Variants in IL1RAPL2 observed in about 807,000 individuals in gnomAD.
The protein encoded by IL1RAPL2 is interleukin 1 receptor accessory protein like 2, also known as X-linked interleukin-1 receptor accessory protein-like 2.
Under a neutral mutation model 44.1 loss-of-function variants are expected in IL1RAPL2, and 3 were observed. The observed-to-expected ratio is 0.07, with a 90% CI of 0.03 to 0.18. IL1RAPL2 has a LOEUF of 0.18. Among genes scored for constraint, IL1RAPL2 ranks in the 10% least tolerant of loss-of-function variants. IL1RAPL2 has a pLI of 1.00. For missense variants in IL1RAPL2, 391 were observed against 496.4 expected, an observed-to-expected ratio of 0.79 and a Z score of 2.02; for synonymous variants, 181 against 178.8, an observed-to-expected ratio of 1.01 and a Z score of -0.10.
intron 2 of IL1RAPL2, among the ~76,000 whole-genome samples, chrX:105,110,898 C>G (rs776806560): frequency 3.6e-5 from 4 of 111,514 alleles, no homozygotes; most frequent in African/African-American, 1.3e-4. Context: ...GATTGTGCCA[C>G]TGCACTCCAG....
intron 5 of IL1RAPL2, among the ~76,000 whole-genome samples, chrX:105,370,036 C>T (rs2035325555): frequency 8.9e-6 from 1 of 111,759 alleles, no homozygotes; most frequent in East Asian, 2.8e-4. Context: ...ATACCAATAA[C>T]ATCTAGAACT....
At chrX:104,642,049 A>G (rs1339001197) in intron 1 of IL1RAPL2, among the ~76,000 whole-genome samples, 1 of 111,013 alleles carries the variant, frequency 9.0e-6, no homozygotes, top group African/African-American at 3.3e-5. Flanking sequence ...CCAAGATTGC[A>G]TGATTCCACA....
chrX:104,696,965 G>C (rs765237708), intron 2 of IL1RAPL2, among the ~76,000 whole-genome samples: 1 of 112,292 alleles, frequency 8.9e-6, no homozygotes, highest in South Asian at 3.7e-4. Context: ...AGATTTCTCT[G>C]CTTTAAGTAA....
At chrX:104,642,499 T>A (rs1929952945) in intron 1 of IL1RAPL2, among the ~76,000 whole-genome samples, 1 of 111,475 alleles carries the variant, frequency 9.0e-6, no homozygotes, top group African/African-American at 3.3e-5. Context: ...TTTCTTTTTT[T>A]TTTTGACGGA....
At chrX:104,736,805 A>G (rs899885112) in intron 2 of IL1RAPL2, among the ~76,000 whole-genome samples, 2 of 112,281 alleles carry the variant, frequency 1.8e-5, no homozygotes, top group East Asian at 2.8e-4. Flanking sequence ...AGTGATTGCA[A>G]TGTTAGCAAT....
chrX:105,245,349 C>T (rs776460130), intron 4 of IL1RAPL2, among the ~76,000 whole-genome samples: 3 of 111,544 alleles, frequency 2.7e-5, no homozygotes, highest in Non-Finnish European at 3.8e-5. Flanking sequence ...TGTGCCTGCA[C>T]GTAATCACAG....
At chrX:105,163,669 C>T (rs1177782437) in intron 2 of IL1RAPL2, among the ~76,000 whole-genome samples, 1 of 111,641 alleles carries the variant, frequency 9.0e-6, no homozygotes, top group Non-Finnish European at 1.9e-5. Context: ...ACCTTGGTTT[C>T]TGGGAGCTCC....
chrX:105,503,292 A>G (rs1251034356), intron 6 of IL1RAPL2, among the ~76,000 whole-genome samples: 2 of 111,446 alleles, frequency 1.8e-5, no homozygotes, highest in Non-Finnish European at 3.8e-5. Context: ...AAGGAGCAGA[A>G]TTTTTGTGAA....
intron 9 of IL1RAPL2, among the ~76,000 whole-genome samples, chrX:105,751,438 T>C (rs974401234): frequency 8.9e-6 from 1 of 111,822 alleles, no homozygotes; most frequent in Non-Finnish European, 1.9e-5. Flanking sequence ...CCCAATAACC[T>C]AGACTAACTG....
At chrX:105,076,115 G>T (rs1292823217) in intron 2 of IL1RAPL2, among the ~76,000 whole-genome samples, 1 of 111,317 alleles carries the variant, frequency 9.0e-6, no homozygotes, top group Non-Finnish European at 1.9e-5. Context: ...TGCTTCTCTA[G>T]TTCTTTTAAT....
rs1397450299 is a variant in IL1RAPL2 at position 104,663,690 on chromosome X, G to C, written c.82+4695G>C. Among the ~76,000 whole-genome samples, 2 of 106,686 alleles carry C rather than the reference G, an allele frequency of 1.9e-5. 1 individual carries two copies. Among genetic ancestry groups the C allele is most frequent in the South Asian group, 8.7e-4 (2 of 2,299 alleles). The allele number at this position is 106,686 out of a possible 115,157, so 92.6% of individuals were successfully genotyped here. A position where few individuals can be genotyped will look rare whatever the true frequency, so the allele number is the denominator to read the frequency against. On this transcript the variant is annotated intron_variant, in intron 2 of 10. Coordinates refer to ENST00000372582, the MANE Select transcript of IL1RAPL2 (RefSeq NM_017416.2). ...ATGGATCTTTGAAGGAAGGGAAAGT[G>C]GTACTAGAAGAATTGGTTAGGTCAT...
At chrX:105,035,010 G>A (rs1162467944) in intron 2 of IL1RAPL2, among the ~76,000 whole-genome samples, 2 of 42,953 alleles carry the variant, frequency 4.7e-5, no homozygotes, top group Non-Finnish European at 8.0e-5. Context: ...AGCAATCAGC[G>A]AGACACTGTG....
intron 2 of IL1RAPL2, among the ~76,000 whole-genome samples, chrX:105,182,198 G>A: frequency 9.0e-6 from 1 of 111,315 alleles, no homozygotes; most frequent in East Asian, 2.8e-4. Flanking sequence ...TGATATTTTG[G>A]TCTAGATGAT....
intron 6 of IL1RAPL2, among the ~76,000 whole-genome samples, chrX:105,608,655 G>A (rs2037313353): frequency 8.9e-6 from 1 of 111,838 alleles, no homozygotes; most frequent in African/African-American, 3.2e-5. Context: ...TAAAATGATT[G>A]GACAGCCTGT....
intron 6 of IL1RAPL2, among the ~76,000 whole-genome samples, chrX:105,598,094 A>C (rs1313544358): frequency 9.0e-6 from 1 of 111,373 alleles, no homozygotes; most frequent in African/African-American, 3.3e-5. Flanking sequence ...AGATAAATAT[A>C]TAGATATGGA....
chrX:105,682,384 TAAGTG>T (rs1312357387), intron 6 of IL1RAPL2, among the ~76,000 whole-genome samples: 1 of 111,759 alleles, frequency 8.9e-6, no homozygotes, highest in African/African-American at 3.2e-5. Flanking sequence ...ACTCCATAGT[TAAGTG>T]ATGTGAATTC....
rs1278093457 is a variant in IL1RAPL2 at position 105,064,198 on chromosome X, A to C, written c.83-131277A>C. ...TTGGGAACCAAGGAGTGGAGTCAAA[A>C]ACCTTAGAAATATACCTCGTGTTCT... On this transcript the variant is annotated intron_variant, in intron 2 of 10. Coordinates refer to ENST00000372582, the MANE Select transcript of IL1RAPL2 (RefSeq NM_017416.2). Among the ~76,000 whole-genome samples the C allele has an allele frequency of 2.7e-5, 3 of 111,962 alleles. No homozygotes were observed. In the East Asian group the frequency reaches 8.5e-4, roughly 32 times the overall value.
At chrX:104,969,715 T>A (rs780490012) in intron 2 of IL1RAPL2, among the ~76,000 whole-genome samples, 1 of 111,517 alleles carries the variant, frequency 9.0e-6, no homozygotes, top group East Asian at 2.8e-4. Context: ...TAACCTTTCA[T>A]AACCTCTCAC....
intron 9 of IL1RAPL2, among the ~76,000 whole-genome samples, chrX:105,750,056 C>T (rs1407620652): frequency 1.8e-5 from 2 of 110,015 alleles, no homozygotes; most frequent in East Asian, 5.7e-4. Flanking sequence ...GGTGGTCTTA[C>T]CTCAAAAAAG....
Sources: gnomAD v4.1 joint callset for allele counts (sites outside exome capture counted in the v4.1 genomes callset) on GRCh38, gnomAD v4.1.1 for gene constraint, MANE v1.5 for transcripts, NCBI Gene and HGNC (gene_info 2026-07-23, HGNC 2026-07-21) for gene names.